RNF213: variants seen among roughly 807,000 people sequenced by gnomAD.
The protein encoded by RNF213 is ring finger protein 213, also known as E3 ubiquitin-protein ligase RNF213.
In RNF213, 341 loss-of-function variants were observed where a neutral mutation model predicts 514.4. That is an observed-to-expected ratio of 0.66 (90% CI 0.61 to 0.73). RNF213 has a LOEUF of 0.73. RNF213 is among the 30% of genes least tolerant of loss of function. The pLI, the probability that RNF213 is intolerant of heterozygous loss-of-function variation, is 0.00. For synonymous variants in RNF213, 2,655 were observed against 2,658.2 expected (o/e 1.00, Z 0.04); for missense variants, 5,767 against 6,615.6 (o/e 0.87, Z 4.45).
rs1225104322 is a variant in RNF213 at position 80,363,361 on chromosome 17, A to G, written c.11568+47A>G. 3.8e-6 allele frequency: 6 copies of G among 1,568,710 alleles called. No individual in the cohort carries two copies. In the East Asian group the frequency reaches 1.3e-4, roughly 35 times the overall value. On this transcript the variant is annotated intron_variant, in intron 40 of 67. Coordinates refer to ENST00000582970, the MANE Select transcript of RNF213 (RefSeq NM_001256071.3). ...CCTGAGCAAGCCTTGTGGTGCTTCCAACTCCACTCTGGGAATGGAGAGCTT... is the reference window on the plus strand; with the variant it reads ...CCTGAGCAAGCCTTGTGGTGCTTCCGACTCCACTCTGGGAATGGAGAGCTT...
chr17:80,364,075 T>C (rs928456905), intron 41 of RNF213, among the ~76,000 whole-genome samples: 5 of 151,782 alleles, frequency 3.3e-5, no homozygotes, highest in Non-Finnish European at 5.9e-5. Flanking sequence ...AATGCTGTGG[T>C]AGAAAGGACA....
At chr17:80,293,910 A>G (rs1053862470) in intron 8 of RNF213, among the ~76,000 whole-genome samples, 2 of 151,884 alleles carry the variant, frequency 1.3e-5, no homozygotes, top group African/African-American at 2.4e-5. Flanking sequence ...GTTGAGAACT[A>G]AACAGTTGCA....
rs748729822 is a variant in RNF213, at chr17:80,377,141, G to A, written c.13510+178G>A. ...AATGGCTTGAAGGAGCTGGCACTCC[G>A]CCGGCTAGATGATCCAAACCATTTC... On this transcript the variant is annotated intron_variant, in intron 53 of 67. Transcript: ENST00000582970. This position sits in a 1 kb window ranked among gnomAD's most constrained non-coding sequence, Gnocchi z 4.1. 4.1e-5 allele frequency: 26 copies of A among 638,068 alleles called. No homozygotes were observed. Among genetic ancestry groups the A allele is most frequent in the East Asian group, 5.5e-5 (2 of 36,046 alleles). The allele number at this position is 638,068 out of a possible 1,614,324, so 39.5% of individuals were successfully genotyped here.
rs574491108 is a variant in RNF213 at position 80,281,072 on chromosome 17, A to G, written c.262-6743A>G. 3.3e-3 allele frequency among the ~76,000 whole-genome samples: 486 copies of G among 148,398 alleles called. 5 individuals carry two copies. Among genetic ancestry groups the G allele is most frequent in the African/African-American group, 0.012 (467 of 39,680 alleles). ...CACACTCCACTCACCCCAGTCACAC[A>G]CACCCCCCGCCACACATACCCCACT... On this transcript the variant is annotated intron_variant, in intron 3 of 67. Coordinates refer to ENST00000582970, the MANE Select transcript of RNF213 (RefSeq NM_001256071.3).
At chr17:80,271,786 G>A (rs1941182034) in intron 2 of RNF213, among the ~76,000 whole-genome samples, 1 of 151,938 alleles carries the variant, frequency 6.6e-6, no homozygotes, top group Non-Finnish European at 1.5e-5. Context: ...AGACCAGCCT[G>A]ACCAACATGG....
chr17:80,288,975 G>A lies in RNF213; in HGVS notation c.933+220G>A, dbSNP rs1052229010. Among the ~76,000 whole-genome samples the A allele has an allele frequency of 2.6e-5, 4 of 152,200 alleles. No homozygotes were observed. Among genetic ancestry groups the A allele is most frequent in the Non-Finnish European group, 4.4e-5 (3 of 68,040 alleles). ...GGAGGGAGGGAGAGAGGGCACCCAGGTGGGCCCCGAGGTACCATGGCACCC... is the reference window on the plus strand; with the variant it reads ...GGAGGGAGGGAGAGAGGGCACCCAGATGGGCCCCGAGGTACCATGGCACCC... On this transcript the variant is annotated intron_variant, in intron 5 of 67. Coordinates refer to ENST00000582970, the MANE Select transcript of RNF213 (RefSeq NM_001256071.3). The surrounding 1 kb of genome is among the most constrained non-coding windows in gnomAD (Gnocchi z 4.9).
At chr17:80,390,244 G>C in intron 67 of RNF213, 48 bp downstream of exon 67, 6 of 1,571,336 alleles carry the variant, frequency 3.8e-6, no homozygotes, top group Non-Finnish European at 5.3e-6. Flanking sequence ...ATGTTGTGCT[G>C]TCTCTCCTGT....
In RNF213 at chr17:80,263,473, G is replaced by C. The variant is rs975131383; in HGVS notation, c.-108-101G>C. 1.2e-5 allele frequency: 7 copies of C among 594,842 alleles called. No individual in the cohort carries two copies. The highest frequency in any genetic ancestry group is 2.1e-5 in the Non-Finnish European group (7 of 326,908). 36.8% of individuals were successfully genotyped at this position (594,842 alleles called of 1,614,324 possible). A position where few individuals can be genotyped will look rare whatever the true frequency, so the allele number is the denominator to read the frequency against. On this transcript the variant is annotated intron_variant, in intron 1 of 67. Coordinates refer to ENST00000582970, the MANE Select transcript of RNF213 (RefSeq NM_001256071.3). The surrounding 1 kb of genome is among the most constrained non-coding windows in gnomAD (Gnocchi z 4.9). ...AGACTGCAAAAGCTTGAGAGCCAAG[G>C]GGGCAGCACAGAGCGGGGAGGGGCT...
chr17:80,375,832 T>G lies in RNF213; in HGVS notation c.13147T>G (p.Tyr4383Asp), dbSNP rs781010332. ...LTLFREVAILYRSHNASLHPT... is the reference protein window; with the variant it reads ...LTLFREVAILDRSHNASLHPT... ...ACTGTTTAGAGAGGTGGCTATTTTGTACAGATCCCACAATGCAAGCCTCCA... is the reference window on the plus strand; with the variant it reads ...ACTGTTTAGAGAGGTGGCTATTTTGGACAGATCCCACAATGCAAGCCTCCA... The change falls in exon 51 of 68, where the codon TAC (tyrosine) becomes GAC (aspartate). Residue 4383 changes from tyrosine to aspartate, a missense_variant. Physicochemically the swap from Tyr to Asp is radical, Grantham distance 160. Transcript: ENST00000582970. 1 of 1,614,030 alleles carries G rather than the reference T, an allele frequency of 6.2e-7. No individual in the cohort carries two copies. Among genetic ancestry groups the G allele is most frequent in the African/African-American group, 1.3e-5 (1 of 74,930 alleles).
At chr17:80,337,332 G>T (rs1052002487) in intron 23 of RNF213, among the ~76,000 whole-genome samples, 2 of 152,208 alleles carry the variant, frequency 1.3e-5, no homozygotes, top group Non-Finnish European at 2.9e-5. Context: ...GTGCCCCCAT[G>T]TGCCAGCCGG....
chr17:80,261,479 G>A (rs1171588088), intron 1 of RNF213, among the ~76,000 whole-genome samples: 3 of 152,194 alleles, frequency 2.0e-5, no homozygotes, highest in African/African-American at 7.2e-5. Flanking sequence ...GCAAGCCGGC[G>A]GGCCGGGCCC....
chr17:80,309,484 C>T (rs957126435), intron 14 of RNF213, among the ~76,000 whole-genome samples: 25 of 152,296 alleles, frequency 1.6e-4, no homozygotes, highest in African/African-American at 6.0e-4. Flanking sequence ...TCAGGCAACG[C>T]CACGCGGAGA....
chr17:80,334,310 A>G (rs2077921510), intron 22 of RNF213, 40 bp downstream of exon 22: 11 of 1,509,098 alleles, frequency 7.3e-6, no homozygotes, highest in African/African-American at 1.4e-5. Context: ...GTGTGGAGAA[A>G]GTTTTCAGAT....
Position 80,353,598 on chromosome 17 carries a change from G to A in RNF213, c.10510G>A (p.Glu3504Lys), listed in dbSNP as rs751952931. The A allele has an allele frequency of 3.1e-6, 5 of 1,614,210 alleles. No homozygotes were observed. In the East Asian group the frequency reaches 1.1e-4, roughly 36 times the overall value. The change falls in exon 34 of 68, where the codon GAG (glutamate) becomes AAG (lysine). Residue 3504 changes from glutamate (E) to lysine (K), a missense_variant. Physicochemically the swap from Glu to Lys is moderately conservative, Grantham distance 56. Around this residue, in one of 13 missense-constraint regions of RNF213, gnomAD observed 919 missense variants for 1,121.0 expected, o/e 0.82. Coordinates refer to ENST00000582970, the MANE Select transcript of RNF213 (RefSeq NM_001256071.3). This position sits in a 1 kb window ranked among gnomAD's most constrained non-coding sequence, Gnocchi z 5.0. ...ATCAGGGGAGGTGGCAGAGGTGGCA[G>A]AGGAGGCCATGGAAACAGAAAGTTC... The part of the protein sequence containing the change: ...STSGEVAEVA[E>K]EAMETESSEK...
intron 65 of RNF213, among the ~76,000 whole-genome samples, 189 bp downstream of exon 65, chr17:80,389,556 C>T (rs1224076768): frequency 6.6e-6 from 1 of 152,140 alleles, no homozygotes; most frequent in Admixed American, 6.5e-5. Context: ...GACAGACACG[C>T]GCTAGAAATG....
intron 3 of RNF213, 31 bp from the exon 4 acceptor site, chr17:80,287,784 A>G (rs1406111812): frequency 6.2e-6 from 10 of 1,610,162 alleles, no homozygotes. Flanking sequence ...TAAATCTAAG[A>G]AATAAAGTGA....
chr17:80,310,578 G>A lies in RNF213; in HGVS notation c.2655+1407G>A, dbSNP rs181586778. On this transcript the variant is annotated intron_variant, in intron 14 of 67. Transcript: ENST00000582970. ...CAATTTTTTTTTTTTTTGAGACAGAGTTTCACTCTTGTTGCCCAGGCTGTA... is the reference window on the plus strand; with the variant it reads ...CAATTTTTTTTTTTTTTGAGACAGAATTTCACTCTTGTTGCCCAGGCTGTA... 4.1e-4 allele frequency among the ~76,000 whole-genome samples: 62 copies of A among 150,162 alleles called. No homozygotes were observed. In the East Asian group the frequency reaches 6.7e-3, roughly 16 times the overall value.
intron 17 of RNF213, among the ~76,000 whole-genome samples, chr17:80,321,860 G>T (rs2046146512): frequency 1.3e-5 from 2 of 152,040 alleles, no homozygotes; most frequent in South Asian, 2.1e-4. Flanking sequence ...CGAGTAGCTG[G>T]GACTACAGGC....
At chr17:80,293,301 A>G (rs1160065781) in intron 8 of RNF213, among the ~76,000 whole-genome samples, 3 of 151,784 alleles carry the variant, frequency 2.0e-5, no homozygotes, top group Admixed American at 6.6e-5. Flanking sequence ...GGCTCAAGCA[A>G]TCCGCCCATC....
Sources: gnomAD v4.1 joint callset for allele counts (sites outside exome capture counted in the v4.1 genomes callset) on GRCh38, gnomAD v4.1.1 for gene constraint, gnomAD v4.1.1 regional missense constraint, Gnocchi (gnomAD v3.1) non-coding constraint, MANE v1.5 for transcripts, NCBI Gene and HGNC (gene_info 2026-07-23, HGNC 2026-07-21) for gene names.